Variants in CEP83 observed in about 807,000 individuals in gnomAD.
The protein encoded by CEP83 is centrosomal protein of 83 kDa.
CEP83 carries 70 observed loss-of-function variants against 101.9 expected under a neutral mutation model. That is an observed-to-expected ratio of 0.69 (90% confidence interval 0.57 to 0.84). The LOEUF (loss-of-function observed/expected upper bound fraction) is 0.84, where lower values mean the gene tolerates loss of function less well. CEP83 is among the 40% of genes least tolerant of loss of function. The pLI is 0.00. For missense variants in CEP83, 715 were observed against 787.2 expected (o/e 0.91, Z 1.10); for synonymous variants, 264 against 267.9 (o/e 0.99, Z 0.14).
chr12:94,343,468 A>C (rs2059784062), intron 11 of CEP83, among the ~76,000 whole-genome samples: 1 of 135,340 alleles, frequency 7.4e-6, no homozygotes, highest in African/African-American at 2.9e-5. Context: ...GCTAGAAATT[A>C]ACTTTTTTTT....
intron 1 of CEP83, among the ~76,000 whole-genome samples, chr12:94,441,731 T>C (rs914601120): frequency 5.3e-5 from 8 of 152,016 alleles, no homozygotes; most frequent in Non-Finnish European, 1.0e-4. Context: ...TTGACTAACA[T>C]GGTAAAACCC....
intron 14 of CEP83, among the ~76,000 whole-genome samples, chr12:94,329,939 A>G (rs1254606172): frequency 1.3e-5 from 2 of 152,194 alleles, no homozygotes; most frequent in Admixed American, 6.5e-5. Flanking sequence ...TTCAGAGACC[A>G]AGAAAGTAGA....
chr12:94,454,897 G>A (rs147123832), intron 1 of CEP83, among the ~76,000 whole-genome samples: 43 of 151,976 alleles, frequency 2.8e-4, no homozygotes, highest in Middle Eastern at 3.4e-3. Flanking sequence ...GAACAACTCC[G>A]GACGCGCCAC....
Position 94,412,450 on chromosome 12 carries a change from T to C in CEP83, c.41A>G (p.Asn14Ser), listed in dbSNP as rs1267428590. The change falls in exon 3 of 17, where the codon AAT (asparagine) becomes AGT (serine). Residue 14 changes from asparagine to serine, a missense_variant. By Grantham distance (46) the Asn-to-Ser change is conservative (BLOSUM62 1). Coordinates refer to ENST00000397809, the MANE Select transcript of CEP83 (RefSeq NM_016122.3). ...STFTDMDTFPNNFPPGGDSGL... is the reference protein window; with the variant it reads ...STFTDMDTFPSNFPPGGDSGL... Reference sequence around the variant, plus strand: ...ACTGTCTCCACCAGGAGGAAAATTATTGGGAAAAGTGTCCATATCGGTAAA... The same window carrying C: ...ACTGTCTCCACCAGGAGGAAAATTACTGGGAAAAGTGTCCATATCGGTAAA... 3.3e-5 allele frequency: 54 copies of C among 1,612,736 alleles called. No homozygotes were observed. The highest frequency in any genetic ancestry group is 4.5e-5 in the Non-Finnish European group (53 of 1,179,536).
At chr12:94,405,478 G>C (rs1395120709) in intron 4 of CEP83, among the ~76,000 whole-genome samples, 4 of 152,160 alleles carry the variant, frequency 2.6e-5, no homozygotes, top group Non-Finnish European at 5.9e-5. Flanking sequence ...GGCTCAGAAT[G>C]AATAATTATT....
Position 94,412,578 on chromosome 12 carries a change from A to T in CEP83, c.-88T>A. The T allele has an allele frequency of 8.8e-7, 1 of 1,131,220 alleles. No individual in the cohort carries two copies. 70.1% of individuals were successfully genotyped at this position (1,131,220 alleles called of 1,614,324 possible). A position where few individuals can be genotyped will look rare whatever the true frequency, so the allele number is the denominator to read the frequency against. On this transcript the variant is annotated 5_prime_UTR_variant, in exon 3 of 17. Coordinates refer to ENST00000397809, the MANE Select transcript of CEP83 (RefSeq NM_016122.3). Reference sequence around the variant, plus strand: ...TTTCTTGCTAAGGCAGAATCTCAGGAAGCCAAATTATACCTGCACAGAGAA... The same window carrying T: ...TTTCTTGCTAAGGCAGAATCTCAGGTAGCCAAATTATACCTGCACAGAGAA...
At chr12:94,398,260 A>G (rs1406725620) in intron 6 of CEP83, among the ~76,000 whole-genome samples, 1 of 152,152 alleles carries the variant, frequency 6.6e-6, no homozygotes, top group African/African-American at 2.4e-5. Context: ...ACTGACTAAA[A>G]CAAAACAGGC....
chr12:94,340,613 T>G (rs61148981), intron 11 of CEP83, among the ~76,000 whole-genome samples: 6,340 of 152,112 alleles, frequency 0.042, 408 homozygotes, highest in African/African-American at 0.14. Flanking sequence ...ATTTTTGTAT[T>G]TTCAGTAGAG....
chr12:94,367,065 T>C (rs887694910), intron 11 of CEP83, among the ~76,000 whole-genome samples: 25 of 151,928 alleles, frequency 1.6e-4, no homozygotes, highest in African/African-American at 5.1e-4. Context: ...AACTAATAAA[T>C]GAGGAAGGAT....
intron 11 of CEP83, among the ~76,000 whole-genome samples, chr12:94,360,497 ATCT>A (rs1339723137): frequency 2.0e-5 from 3 of 151,988 alleles, no homozygotes; most frequent in African/African-American, 7.2e-5. Context: ...AAAGAAAGAA[ATCT>A]TCTTTATTAT....
In CEP83 at chr12:94,395,342, A is replaced by AT. The variant is rs201672559; in HGVS notation, c.549+5507_549+5508insA. Reference sequence around the variant, plus strand: ...TAGAACTTAAAGTATAATAAAAAAAAATCAGACATATGAAAAAGTAACAAA... The same window carrying AT: ...TAGAACTTAAAGTATAATAAAAAAAATATCAGACATATGAAAAAGTAACAAA... On this transcript the variant is annotated intron_variant, in intron 6 of 16. Transcript: ENST00000397809. Among the ~76,000 whole-genome samples the AT allele has an allele frequency of 1.0e-3, 154 of 150,942 alleles. 2 individuals are homozygous for AT. In the East Asian group the frequency reaches 0.028, roughly 28 times the overall value.
intron 6 of CEP83, among the ~76,000 whole-genome samples, chr12:94,398,589 G>A (rs182468670): frequency 1.3e-5 from 2 of 152,186 alleles, no homozygotes; most frequent in East Asian, 3.9e-4. Context: ...TAAAACGTGT[G>A]TTTGAACAAT....
At chr12:94,273,710 A>C in the CEP83 span, among the ~76,000 whole-genome samples, 2 of 152,204 alleles carry the variant, frequency 1.3e-5, no homozygotes, top group African/African-American at 4.8e-5. Flanking sequence ...TGTATCACCT[A>C]CAGTGCCCTG....
chr12:94,333,456 GT>G (rs775753591), intron 13 of CEP83, 25 bp downstream of exon 13: 1 of 1,588,336 alleles, frequency 6.3e-7, no homozygotes, highest in Non-Finnish European at 8.5e-7. Flanking sequence ...AGAAAAAATA[GT>G]TTGTACATAA....
the CEP83 span, among the ~76,000 whole-genome samples, chr12:94,267,526 CAT>C: frequency 6.6e-6 from 1 of 152,142 alleles, no homozygotes; most frequent in African/African-American, 2.4e-5. Flanking sequence ...CAGAAATCCA[CAT>C]AAATCTTCCT....
At chr12:94,294,857 A>T in the CEP83 span, among the ~76,000 whole-genome samples, 1 of 152,274 alleles carries the variant, frequency 6.6e-6, no homozygotes, top group South Asian at 2.1e-4. Context: ...CTAACAGAGG[A>T]GATCCCCCTG....
At chr12:94,376,306 T>C (rs1333465005) in intron 7 of CEP83, among the ~76,000 whole-genome samples, 2 of 152,138 alleles carry the variant, frequency 1.3e-5, no homozygotes, top group Non-Finnish European at 2.9e-5. Flanking sequence ...AGGCATTCAT[T>C]TGATGTCTAT....
the CEP83 span, chr12:94,278,286 C>A: frequency 5.7e-6 from 2 of 348,820 alleles, no homozygotes; most frequent in African/African-American, 4.3e-5. Context: ...GCATTAGAAT[C>A]TAAACTGCTA....
the CEP83 span, chr12:94,301,171 A>G: frequency 7.8e-4 from 565 of 725,988 alleles, 3 homozygotes; most frequent in African/African-American, 9.1e-3. Context: ...AGCTAAAAAG[A>G]GATAGCAAGG....
Sources: allele counts gnomAD v4.1 joint callset (sites outside exome capture counted in the v4.1 genomes callset), GRCh38; gene constraint gnomAD v4.1.1; transcripts MANE v1.5; gene names NCBI Gene and HGNC (gene_info 2026-07-23, HGNC 2026-07-21).